Variants in SP9 observed in about 807,000 individuals in gnomAD.
The protein encoded by SP9 is Sp9 transcription factor.
In SP9, 5 loss-of-function variants were observed where a neutral mutation model predicts 23.0. The ratio of observed to expected loss-of-function variants is 0.22; its 90% CI spans 0.11 to 0.46. SP9 has a LOEUF of 0.46. Among genes scored for constraint, SP9 ranks in the 20% least tolerant of loss-of-function variants. The pLI is 0.99. For synonymous variants in SP9, 360 were observed against 356.5 expected (o/e 1.01, Z -0.11); for missense variants, 542 against 724.0 (o/e 0.75, Z 2.88).
rs1469630293 is a variant in SP9, at chr2:174,338,403, G to A, written c.*863G>A. ...TATCATTTCACTCACAAACACGTAAGTTAAGGTCATCTAAAGAAATTAAAT... is the reference window on the plus strand; with the variant it reads ...TATCATTTCACTCACAAACACGTAAATTAAGGTCATCTAAAGAAATTAAAT... On this transcript the variant is annotated 3_prime_UTR_variant, in exon 2 of 2. Transcript: ENST00000394967. 1 of 152,160 alleles carries A rather than the reference G, an allele frequency of 6.6e-6. No homozygotes were observed. The highest frequency in any genetic ancestry group is 1.9e-4 in the East Asian group (1 of 5,200). 9.4% of individuals were successfully genotyped at this position (152,160 alleles called of 1,614,324 possible). A position where few individuals can be genotyped will look rare whatever the true frequency, so the allele number is the denominator to read the frequency against.
Position 174,336,319 on chromosome 2 carries a change from G to C in SP9, c.234G>C (p.Leu78=). The C allele has an allele frequency of 6.7e-7, 1 of 1,501,370 alleles. No individual in the cohort carries two copies. The highest frequency in any genetic ancestry group is 8.8e-7 in the Non-Finnish European group (1 of 1,131,546). The allele number at this position is 1,501,370 out of a possible 1,614,324, so 93.0% of individuals were successfully genotyped here. A position where few individuals can be genotyped will look rare whatever the true frequency, so the allele number is the denominator to read the frequency against. ...VATGGRGSGG[L]AGGSGAANSA... is the part of the protein sequence containing the mutation. Reference sequence around the variant, plus strand: ...CCGGGGGCCGTGGCTCGGGCGGCCTGGCGGGCGGCTCGGGCGCCGCCAACA... The same window carrying C: ...CCGGGGGCCGTGGCTCGGGCGGCCTCGCGGGCGGCTCGGGCGCCGCCAACA... The change falls in exon 2 of 2, where the codon CTG becomes CTC. Residue 78 remains leucine, a synonymous_variant. Transcript: ENST00000394967.
rs1405335968 is a variant in SP9 at position 174,335,060 on chromosome 2, C to G, written c.-33C>G. The G allele has an allele frequency of 1.3e-6, 2 of 1,550,792 alleles. No individual in the cohort carries two copies. The highest frequency in any genetic ancestry group is 2.7e-5 in the African/African-American group (2 of 73,062). On this transcript the variant is annotated 5_prime_UTR_variant, in exon 1 of 2. Transcript: ENST00000394967. ...CGAGCAGCCGCCAGGCTCAGCCCCG[C>G]TCCCAGCCTCGCTGCGCAGCCAGAG...
chr2:174,334,991 G>C lies in SP9; in HGVS notation c.-102G>C, dbSNP rs1344160842. ...CGGGAGCCTGGAGTCCGCTCGGCACGAGCGCGGGGACGCGGGAGCCGCGCG... is the reference window on the plus strand; with the variant it reads ...CGGGAGCCTGGAGTCCGCTCGGCACCAGCGCGGGGACGCGGGAGCCGCGCG... On this transcript the variant is annotated 5_prime_UTR_variant, in exon 1 of 2. Coordinates refer to ENST00000394967, the MANE Select transcript of SP9 (RefSeq NM_001145250.2). The C allele has an allele frequency of 1.2e-5, 17 of 1,386,624 alleles. No homozygotes were observed. Among genetic ancestry groups the C allele is most frequent in the East Asian group, 2.5e-5 (1 of 39,724 alleles). 85.9% of individuals were successfully genotyped at this position (1,386,624 alleles called of 1,614,324 possible).
intron 1 of SP9, 93 bp from the exon 2 acceptor site, chr2:174,336,014 G>A (rs564838672): frequency 4.9e-6 from 6 of 1,217,622 alleles, no homozygotes; most frequent in African/African-American, 4.7e-5. Flanking sequence ...GCAGCCGCAG[G>A]GGACGAGGCT....
At chr2:174,335,182 G>A (rs905996980) in intron 1 of SP9, 69 bp downstream of exon 1, 4 of 1,513,642 alleles carry the variant, frequency 2.6e-6, no homozygotes, top group Non-Finnish European at 3.6e-6. Flanking sequence ...GGCTTCTGGG[G>A]TCTGCGGCTC....
At position 174,336,161 on chromosome 2, in the gene SP9, A is replaced by G. The variant is rs926913613; in HGVS notation, c.76A>G (p.Lys26Glu). 2 of 1,550,852 alleles carry G rather than the reference A, an allele frequency of 1.3e-6. No individual in the cohort carries two copies. Among genetic ancestry groups the G allele is most frequent in the South Asian group, 1.2e-5 (1 of 84,064 alleles). The change falls in exon 2 of 2, where the codon AAG becomes GAG. Residue 26 changes from lysine (K) to glutamate (E), a missense_variant. Transcript: ENST00000394967. ...GGCCATGCTGGCGGCGACCTGCAAC[A>G]AGATCGGCAACACGAGCCCGCTGAC... ...PLAMLAATCNKIGNTSPLTTL... is the reference protein window; with the variant it reads ...PLAMLAATCNEIGNTSPLTTL...
chr2:174,336,670 C>A lies in SP9; in HGVS notation c.585C>A (p.Asn195Lys), dbSNP rs944732790. 3.3e-6 allele frequency: 5 copies of A among 1,511,966 alleles called. No individual in the cohort carries two copies. Among genetic ancestry groups the A allele is most frequent in the Admixed American group, 2.0e-5 (1 of 48,902 alleles). The allele number at this position is 1,511,966 out of a possible 1,614,324, so 93.7% of individuals were successfully genotyped here. ...CGGGCTCGTGGCTGGAAGTGCAGAACCCCGCTGGGGGGCTCCAGAGCTCGC... is the reference window on the plus strand; with the variant it reads ...CGGGCTCGTGGCTGGAAGTGCAGAAACCCGCTGGGGGGCTCCAGAGCTCGC... ...SSPGSWLEVQ[N>K]PAGGLQSSLH... Residue 195 changes from asparagine (N) to lysine (K), a missense_variant, in exon 2 of 2, where the codon AAC becomes AAA. By Grantham distance (94) the Asn-to-Lys change is moderately conservative. This residue lies in a region of SP9 where 144 missense variants were observed against 158.7 expected (regional missense o/e 0.91). Coordinates refer to ENST00000394967, the MANE Select transcript of SP9 (RefSeq NM_001145250.2).
chr2:174,337,651 C>T lies in SP9; in HGVS notation c.*111C>T. On this transcript the variant is annotated 3_prime_UTR_variant, in exon 2 of 2. Transcript: ENST00000394967. Reference sequence around the variant, plus strand: ...GGAGGGCAGGGGCTTCAGTGACGCCCCCAGGGCCCGGGCTGGGCGCGAGGT... The same window carrying T: ...GGAGGGCAGGGGCTTCAGTGACGCCTCCAGGGCCCGGGCTGGGCGCGAGGT... 1 of 1,042,366 alleles carries T rather than the reference C, an allele frequency of 9.6e-7. No homozygotes were observed. The highest frequency in any genetic ancestry group is 1.2e-6 in the Non-Finnish European group (1 of 865,434). 64.6% of individuals were successfully genotyped at this position (1,042,366 alleles called of 1,614,324 possible). A position where few individuals can be genotyped will look rare whatever the true frequency, so the allele number is the denominator to read the frequency against.
intron 1 of SP9, 49 bp from the exon 2 acceptor site, chr2:174,336,058 C>T (rs1684405203): frequency 9.2e-6 from 14 of 1,524,602 alleles, no homozygotes; most frequent in Non-Finnish European, 1.2e-5. Context: ...TCCCCCACTT[C>T]CTCTTGCCCT....
Position 174,337,563 on chromosome 2 carries a change from A to C in SP9, c.*23A>C, listed in dbSNP as rs1022950200. 41 of 1,148,340 alleles carry C rather than the reference A, an allele frequency of 3.6e-5. No individual in the cohort carries two copies. Among genetic ancestry groups the C allele is most frequent in the Non-Finnish European group, 4.4e-5 (41 of 935,410 alleles). 71.1% of individuals were successfully genotyped at this position (1,148,340 alleles called of 1,614,324 possible). A position where few individuals can be genotyped will look rare whatever the true frequency, so the allele number is the denominator to read the frequency against. ...TAGAGGCCGGGCGAGAGGCGCGAGC[A>C]CACAAGCGAGTAGAGACACCGAGAA... On this transcript the variant is annotated 3_prime_UTR_variant, in exon 2 of 2. Transcript: ENST00000394967.
Position 174,336,315 on chromosome 2 carries a change from G to A in SP9, c.230G>A (p.Gly77Asp). ...GCCACCGGGGGCCGTGGCTCGGGCGGCCTGGCGGGCGGCTCGGGCGCCGCC... is the reference window on the plus strand; with the variant it reads ...GCCACCGGGGGCCGTGGCTCGGGCGACCTGGCGGGCGGCTCGGGCGCCGCC... The part of the protein sequence containing the change: ...AVATGGRGSG[G>D]LAGGSGAANS... The change falls in exon 2 of 2, where the codon GGC (glycine) becomes GAC (aspartate). Residue 77 changes from glycine to aspartate, a missense_variant. By Grantham distance (94) the Gly-to-Asp change is moderately conservative. Transcript: ENST00000394967. The A allele has an allele frequency of 6.7e-7, 1 of 1,500,772 alleles. No homozygotes were observed. The highest frequency in any genetic ancestry group is 8.8e-7 in the Non-Finnish European group (1 of 1,131,208). 93.0% of individuals were successfully genotyped at this position (1,500,772 alleles called of 1,614,324 possible).
Position 174,336,037 on chromosome 2 carries a change from A to C in SP9, c.22-70A>C, listed in dbSNP as rs1019412004. 25 of 1,445,388 alleles carry C rather than the reference A, an allele frequency of 1.7e-5. No homozygotes were observed. The Admixed American group carries it at 4.9e-4, about 28-fold the overall frequency. 89.5% of individuals were successfully genotyped at this position (1,445,388 alleles called of 1,614,324 possible). On this transcript the variant is annotated intron_variant, in intron 1 of 1. Transcript: ENST00000394967. Reference sequence around the variant, plus strand: ...AGGGGACGAGGCTGCTCACGGGTGCACTTTGTTTCTTCCCCCACTTCCTCT... The same window carrying C: ...AGGGGACGAGGCTGCTCACGGGTGCCCTTTGTTTCTTCCCCCACTTCCTCT...
At position 174,338,390 on chromosome 2, in the gene SP9, C is replaced by T. The variant is rs537294188; in HGVS notation, c.*850C>T. 1.3e-5 allele frequency: 2 copies of T among 152,242 alleles called. No individual in the cohort carries two copies. The highest frequency in any genetic ancestry group is 1.9e-4 in the East Asian group (1 of 5,184). 9.4% of individuals were successfully genotyped at this position (152,242 alleles called of 1,614,324 possible). On this transcript the variant is annotated 3_prime_UTR_variant, in exon 2 of 2. Transcript: ENST00000394967. ...TAAAATGTTGAGTTATCATTTCACT[C>T]ACAAACACGTAAGTTAAGGTCATCT...
In SP9 at chr2:174,336,262, C is replaced by T. The variant is rs1450187935; in HGVS notation, c.177C>T (p.Leu59=). 1.3e-6 allele frequency: 2 copies of T among 1,541,016 alleles called. No homozygotes were observed. The highest frequency in any genetic ancestry group is 2.4e-5 in the South Asian group (2 of 83,710). Residue 59 remains leucine (L), a synonymous_variant, in exon 2 of 2, where the codon CTC becomes CTT. Coordinates refer to ENST00000394967, the MANE Select transcript of SP9 (RefSeq NM_001145250.2). Reference sequence around the variant, plus strand: ...AGCGCTCCTCGTCCAGCTGCAACCTCGGCTCCAGCCTCTCGGGCTTCGCGG... The same window carrying T: ...AGCGCTCCTCGTCCAGCTGCAACCTTGGCTCCAGCCTCTCGGGCTTCGCGG... ...PWKRSSSSCN[L]GSSLSGFAVA...
rs1246544567 is a variant in SP9, at chr2:174,336,805, C to T, written c.720C>T (p.Ser240=). 21 of 1,525,586 alleles carry T rather than the reference C, an allele frequency of 1.4e-5. No homozygotes were observed. Among genetic ancestry groups the T allele is most frequent in the Non-Finnish European group, 1.8e-5 (21 of 1,142,294 alleles). The allele number at this position is 1,525,586 out of a possible 1,614,324, so 94.5% of individuals were successfully genotyped here. A position where few individuals can be genotyped will look rare whatever the true frequency, so the allele number is the denominator to read the frequency against. Residue 240 remains serine (S), a synonymous_variant, in exon 2 of 2, where the codon TCC becomes TCT. Coordinates refer to ENST00000394967, the MANE Select transcript of SP9 (RefSeq NM_001145250.2). Reference sequence around the variant, plus strand: ...TCAGCTCCACGGGCCTCGGCTCCTCCGCCGCCGCCGCCTCCCACCTGCTCT... The same window carrying T: ...TCAGCTCCACGGGCCTCGGCTCCTCTGCCGCCGCCGCCTCCCACCTGCTCT... ...SAFSSTGLGS[S]AAAASHLLST...
intron 1 of SP9, 195 bp from the exon 2 acceptor site, chr2:174,335,912 G>T: frequency 1.8e-6 from 1 of 557,490 alleles, no homozygotes; most frequent in East Asian, 3.3e-5. Flanking sequence ...ACCTTCGCCC[G>T]GGTGATCGCC....
rs760808548 is a variant in SP9, at chr2:174,336,910, AGCC to A, written c.835_837del (p.Ala279del). The A allele has an allele frequency of 1.2e-5, 18 of 1,463,136 alleles. No homozygotes were observed. The highest frequency in any genetic ancestry group is 9.4e-5 in the Admixed American group (4 of 42,672). The allele number at this position is 1,463,136 out of a possible 1,614,324, so 90.6% of individuals were successfully genotyped here. On this transcript the variant is annotated inframe_deletion, in exon 2 of 2. Transcript: ENST00000394967. Reference sequence around the variant, plus strand: ...ATTCGGACTCCAGCGCCGCCGTGGCAGCCGCCGCCGCCAGCGCCATGATATCGG... The same window carrying A: ...ATTCGGACTCCAGCGCCGCCGTGGCAGCCGCCGCCAGCGCCATGATATCGG...
At position 174,336,378 on chromosome 2, in the gene SP9, C is replaced by T; in HGVS notation, c.293C>T (p.Ser98Leu). The T allele has an allele frequency of 2.0e-6, 3 of 1,494,822 alleles. No individual in the cohort carries two copies. The highest frequency in any genetic ancestry group is 1.3e-5 in the South Asian group (1 of 79,488). 92.6% of individuals were successfully genotyped at this position (1,494,822 alleles called of 1,614,324 possible). The change falls in exon 2 of 2, where the codon TCG (serine) becomes TTG (leucine). Residue 98 changes from serine to leucine, a missense_variant. Ser to Leu is a moderately radical substitution (Grantham distance 145). Around this residue, in one of 8 missense-constraint regions of SP9, gnomAD observed 201 missense variants for 226.3 expected, o/e 0.89. Transcript: ENST00000394967. The part of the protein sequence containing the change: ...AFCLASTSPT[S>L]SAFSSDYGGL... ...TGCCTGGCCTCCACGTCGCCCACGTCGTCCGCCTTCAGCAGCGACTACGGC... is the reference window on the plus strand; with the variant it reads ...TGCCTGGCCTCCACGTCGCCCACGTTGTCCGCCTTCAGCAGCGACTACGGC...
At position 174,337,051 on chromosome 2, in the gene SP9, C is replaced by A. The variant is rs778721011; in HGVS notation, c.966C>A (p.Ala322=). 4 of 1,534,234 alleles carry A rather than the reference C, an allele frequency of 2.6e-6. No individual in the cohort carries two copies. Among genetic ancestry groups the A allele is most frequent in the South Asian group, 2.4e-5 (2 of 82,664 alleles). The change falls in exon 2 of 2, where the codon GCC becomes GCA. Residue 322 remains alanine, a synonymous_variant. Transcript: ENST00000394967. The stretch of plus-strand genomic sequence containing the variant: ...AGGAGGCGGAGCGGCTGGGCCCGGC[C>A]GGGGCGAGCCTGCGGCGCAAGGGCC... ...NCQEAERLGP[A]GASLRRKGLH...
Sources: allele counts gnomAD v4.1 joint callset, GRCh38; gene constraint gnomAD v4.1.1; regional missense constraint gnomAD v4.1.1; transcripts MANE v1.5; gene names NCBI Gene and HGNC (gene_info 2026-07-23, HGNC 2026-07-21).